Variants in ZNF804B observed in about 807,000 individuals in gnomAD.
The protein encoded by ZNF804B is zinc finger 804B.
Under a neutral mutation model 101.4 loss-of-function variants are expected in ZNF804B, and 80 were observed. That is an observed-to-expected ratio of 0.79 (90% CI 0.66 to 0.95). The LOEUF is 0.95. ZNF804B is among the 40% of genes least tolerant of loss of function. The probability of loss-of-function intolerance (pLI) is 0.00; values close to 1 mark genes in which losing one functional copy is unlikely to be tolerated. For missense variants in ZNF804B, 1,673 were observed against 1,561.9 expected (o/e 1.07, Z -1.20); for synonymous variants, 622 against 558.8 (o/e 1.11, Z -1.59).
chr7:88,850,449 A>G (rs983448), intron 1 of ZNF804B, among the ~76,000 whole-genome samples: 2,489 of 152,262 alleles, frequency 0.016, 51 homozygotes, highest in African/African-American at 0.041. Context: ...GTGCGTGTAT[A>G]TGTGAAAATC....
rs556460190 is a variant in ZNF804B, at chr7:88,868,776, G to A, written c.108+108692G>A. ...TGAACTCAGTAGTTGAATCTGCTAA[G>A]TCAAACCCAGGTTTCAGCCAGCAAA... On this transcript the variant is annotated intron_variant, in intron 1 of 3. Coordinates refer to ENST00000333190, the MANE Select transcript of ZNF804B (RefSeq NM_181646.5). Among the ~76,000 whole-genome samples the A allele has an allele frequency of 1.1e-4, 17 of 152,338 alleles. No homozygotes were observed. In the South Asian group the frequency reaches 3.3e-3, roughly 30 times the overall value.
intron 2 of ZNF804B, among the ~76,000 whole-genome samples, chr7:89,326,497 G>A (rs1790897829): frequency 6.6e-6 from 1 of 152,036 alleles, no homozygotes; most frequent in Admixed American, 6.6e-5. Flanking sequence ...AATTTCAACA[G>A]ATACAGATTT....
At chr7:89,027,244 C>CAGAG (rs146841345) in intron 1 of ZNF804B, among the ~76,000 whole-genome samples, 4,220 of 150,512 alleles carry the variant, frequency 0.028, 85 homozygotes, top group Non-Finnish European at 0.042. Context: ...GAAAAAAAGC[C>CAGAG]AGAGAGAGAG....
At chr7:89,022,253 T>C (rs989870290) in intron 1 of ZNF804B, among the ~76,000 whole-genome samples, 1 of 152,196 alleles carries the variant, frequency 6.6e-6, no homozygotes, top group African/African-American at 2.4e-5. Flanking sequence ...ATCTGTTTAT[T>C]CTTTGCCTTG....
chr7:89,239,675 G>C (rs1320649460), intron 2 of ZNF804B, among the ~76,000 whole-genome samples: 6 of 151,992 alleles, frequency 3.9e-5, no homozygotes, highest in Non-Finnish European at 8.8e-5. Flanking sequence ...TTATCTATGA[G>C]GGTTCCCATA....
At chr7:89,039,016 T>A (rs1192298407) in intron 1 of ZNF804B, among the ~76,000 whole-genome samples, 2 of 152,044 alleles carry the variant, frequency 1.3e-5, no homozygotes, top group African/African-American at 2.4e-5. Context: ...TATTGGCCAG[T>A]ATGGTGATTT....
At chr7:89,137,933 C>T (rs1790660818) in intron 1 of ZNF804B, among the ~76,000 whole-genome samples, 2 of 152,018 alleles carry the variant, frequency 1.3e-5, no homozygotes, top group Non-Finnish European at 2.9e-5. Flanking sequence ...GACTTGGTGC[C>T]CTGTGTCCAG....
intron 1 of ZNF804B, among the ~76,000 whole-genome samples, chr7:88,934,110 A>T (rs1221403278): frequency 6.6e-6 from 1 of 151,916 alleles, no homozygotes; most frequent in East Asian, 1.9e-4. Context: ...CCAAAAATAA[A>T]GCCAAATAGA....
Position 89,187,550 on chromosome 7 carries a change from G to T in ZNF804B, c.109-30605G>T, listed in dbSNP as rs570197525. ...ATTATTAGATTAAAGAAATGTGGGA[G>T]ATATTAATGTGAGACATAAAATTTA... On this transcript the variant is annotated intron_variant, in intron 1 of 3. Transcript: ENST00000333190. 2.0e-5 allele frequency among the ~76,000 whole-genome samples: 3 copies of T among 152,266 alleles called. No homozygotes were observed. In the South Asian group the frequency reaches 6.2e-4, roughly 32 times the overall value.
chr7:89,065,860 C>T (rs1352647786), intron 1 of ZNF804B, among the ~76,000 whole-genome samples: 1 of 152,160 alleles, frequency 6.6e-6, no homozygotes, highest in East Asian at 1.9e-4. Context: ...ACTCTTACAA[C>T]TTCCTTATGC....
chr7:89,281,534 A>G (rs1790094296), intron 2 of ZNF804B, among the ~76,000 whole-genome samples: 1 of 152,248 alleles, frequency 6.6e-6, no homozygotes, highest in Non-Finnish European at 1.5e-5. Context: ...TAATAAAAAC[A>G]ACTATCGTTT....
intron 1 of ZNF804B, among the ~76,000 whole-genome samples, chr7:89,011,877 C>T (rs772950966): frequency 2.0e-5 from 3 of 152,238 alleles, no homozygotes; most frequent in Admixed American, 6.5e-5. Flanking sequence ...TGGGCCTCTT[C>T]GCACAGCTCC....
intron 1 of ZNF804B, among the ~76,000 whole-genome samples, chr7:89,148,531 T>G (rs551410139): frequency 6.6e-6 from 1 of 152,256 alleles, no homozygotes; most frequent in South Asian, 2.1e-4. Flanking sequence ...ATGTCACTTA[T>G]ACTATTTGAA....
chr7:88,857,364 A>G (rs142302212), intron 1 of ZNF804B, among the ~76,000 whole-genome samples: 6,782 of 152,226 alleles, frequency 0.045, 435 homozygotes, highest in African/African-American at 0.14. Context: ...ATAGACCACT[A>G]GGAAGACTAA....
At chr7:88,876,003 A>G (rs1480898901) in intron 1 of ZNF804B, among the ~76,000 whole-genome samples, 1 of 152,206 alleles carries the variant, frequency 6.6e-6, no homozygotes, top group African/African-American at 2.4e-5. Flanking sequence ...AGGCTGGTTC[A>G]ATATATGCAA....
intron 1 of ZNF804B, among the ~76,000 whole-genome samples, chr7:88,821,155 T>A (rs953520006): frequency 1.3e-5 from 2 of 152,148 alleles, no homozygotes; most frequent in African/African-American, 4.8e-5. Context: ...ATGTCAAGAA[T>A]CACCTTTTCC....
intron 1 of ZNF804B, among the ~76,000 whole-genome samples, chr7:88,853,277 T>C (rs1791472615): frequency 6.6e-6 from 1 of 152,116 alleles, no homozygotes; most frequent in East Asian, 1.9e-4. Context: ...TGTTAGATTT[T>C]CTAACAGCTG....
At chr7:88,985,173 A>G (rs1436398270) in intron 1 of ZNF804B, among the ~76,000 whole-genome samples, 2 of 151,980 alleles carry the variant, frequency 1.3e-5, no homozygotes, top group Admixed American at 6.6e-5. Flanking sequence ...TAATGGATGA[A>G]TGAATTTCCA....
At chr7:89,123,151 G>A (rs1790428918) in intron 1 of ZNF804B, among the ~76,000 whole-genome samples, 1 of 92,914 alleles carries the variant, frequency 1.1e-5, no homozygotes, top group Non-Finnish European at 2.0e-5. Context: ...CCAGGACCAA[G>A]TTCAGCTTTT....
Sources: allele counts gnomAD v4.1 joint callset (sites outside exome capture counted in the v4.1 genomes callset), GRCh38; gene constraint gnomAD v4.1.1; transcripts MANE v1.5; gene names NCBI Gene and HGNC (gene_info 2026-07-23, HGNC 2026-07-21).